Variants in COL14A1 observed in about 807,000 individuals in gnomAD.
COL14A1 encodes the protein collagen alpha-1(XIV) chain.
COL14A1 carries 136 observed loss-of-function variants against 230.3 expected under a neutral mutation model. That is an observed-to-expected ratio of 0.59 (90% CI 0.51 to 0.68). COL14A1 has a LOEUF of 0.68. COL14A1 is among the 30% of genes least tolerant of loss of function. The probability of loss-of-function intolerance (pLI) is 0.00; values close to 1 mark genes in which losing one functional copy is unlikely to be tolerated. For synonymous variants in COL14A1, 792 were observed against 784.1 expected (o/e 1.01, Z -0.17); for missense variants, 1,976 against 2,215.8 (o/e 0.89, Z 2.17).
chr8:120,306,485 G>T (rs1820862488), intron 36 of COL14A1, among the ~76,000 whole-genome samples: 1 of 152,140 alleles, frequency 6.6e-6, no homozygotes, highest in African/African-American at 2.4e-5. Context: ...TGAGCAATAT[G>T]TAATAAATTC....
chr8:120,189,095 A>G (rs1436019039), intron 5 of COL14A1, among the ~76,000 whole-genome samples: 2 of 152,234 alleles, frequency 1.3e-5, no homozygotes, highest in East Asian at 1.9e-4. Context: ...AAAAAGATTC[A>G]CTGTAACAGC....
At chr8:120,132,407 G>A (rs1357022439) in intron 1 of COL14A1, among the ~76,000 whole-genome samples, 11 of 152,024 alleles carry the variant, frequency 7.2e-5, no homozygotes, top group Admixed American at 4.6e-4. Context: ...AACCTGTTCC[G>A]TTTTCTGTGT....
chr8:120,351,527 T>G, intron 45 of COL14A1, among the ~76,000 whole-genome samples: 1 of 81,248 alleles, frequency 1.2e-5, no homozygotes, highest in East Asian at 3.4e-4. Context: ...AAGAATCAAA[T>G]AGACACAATA....
intron 1 of COL14A1, among the ~76,000 whole-genome samples, chr8:120,129,646 CCT>C (rs1266221371): frequency 3.3e-5 from 5 of 152,160 alleles, no homozygotes; most frequent in African/African-American, 1.2e-4. Flanking sequence ...AAAAAGGAAG[CCT>C]CTCTGTGCAA....
rs140786154 is a variant in COL14A1, at chr8:120,273,708, C to A, written c.3213+3534C>A. ...AAATCTGAAGGAAATGGATAAATTC[C>A]TGGAAACAACAACCCCCCTAGATTA... On this transcript the variant is annotated intron_variant, in intron 26 of 47. Transcript: ENST00000297848. Among the ~76,000 whole-genome samples, 1,404 of 151,466 alleles carry A rather than the reference C, an allele frequency of 9.3e-3. 9 individuals are homozygous for A. Among genetic ancestry groups the A allele is most frequent in the Non-Finnish European group, 0.013 (910 of 67,720 alleles).
At chr8:120,193,928 C>G (rs907664080) in intron 5 of COL14A1, among the ~76,000 whole-genome samples, 3 of 152,174 alleles carry the variant, frequency 2.0e-5, no homozygotes, top group African/African-American at 7.2e-5. Context: ...GTGGGAGTGA[C>G]CCGGTTTTCC....
At chr8:120,232,954 C>T (rs956209250) in intron 19 of COL14A1, among the ~76,000 whole-genome samples, 5 of 152,092 alleles carry the variant, frequency 3.3e-5, no homozygotes, top group Non-Finnish European at 5.9e-5. Flanking sequence ...TAATGATTGC[C>T]GTTCTAACTG....
At chr8:120,363,083 T>C (rs1343373005) in intron 45 of COL14A1, among the ~76,000 whole-genome samples, 1 of 152,196 alleles carries the variant, frequency 6.6e-6, no homozygotes, top group Non-Finnish European at 1.5e-5. Flanking sequence ...AAAATGAAGC[T>C]TCAGCCTAAG....
intron 14 of COL14A1, among the ~76,000 whole-genome samples, chr8:120,224,052 A>T (rs1818017159): frequency 4.8e-5 from 1 of 21,050 alleles, no homozygotes. Context: ...TTTGAGACAG[A>T]GTCTCATTCT....
intron 36 of COL14A1, among the ~76,000 whole-genome samples, chr8:120,309,028 A>G (rs1420740044): frequency 6.6e-6 from 1 of 152,154 alleles, no homozygotes. Flanking sequence ...TCCGCCTCCC[A>G]GGTTCACGCC....
intron 22 of COL14A1, among the ~76,000 whole-genome samples, chr8:120,251,929 A>G (rs1818977998): frequency 1.3e-5 from 2 of 151,544 alleles, no homozygotes; most frequent in Admixed American, 1.3e-4. Context: ...CTATTTTGTA[A>G]CTCTATTGCT....
At chr8:120,242,718 T>C (rs1372315285) in intron 19 of COL14A1, among the ~76,000 whole-genome samples, 1 of 152,222 alleles carries the variant, frequency 6.6e-6, no homozygotes, top group Non-Finnish European at 1.5e-5. Context: ...TCAATGGCCC[T>C]TTCCTATGAG....
rs546052415 is a variant in COL14A1, at chr8:120,357,015, C to T, written c.5078-10156C>T. ...TTTATTGATTTTTTTTATTACAAAG[C>T]GACTCTTTACAGTGATCATGGCTGC... is the stretch of plus-strand genomic sequence containing the variant. On this transcript the variant is annotated intron_variant, in intron 45 of 47. Transcript: ENST00000297848. 3.3e-5 allele frequency among the ~76,000 whole-genome samples: 5 copies of T among 152,090 alleles called. No individual in the cohort carries two copies. The South Asian group carries it at 1.0e-3, about 32-fold the overall frequency.
chr8:120,338,731 C>T (rs1231959588), intron 42 of COL14A1, among the ~76,000 whole-genome samples: 2 of 152,164 alleles, frequency 1.3e-5, no homozygotes, highest in Non-Finnish European at 2.9e-5. Flanking sequence ...GCCTACGTAT[C>T]AGCTATTAGT....
intron 26 of COL14A1, among the ~76,000 whole-genome samples, chr8:120,271,715 G>A (rs1468138391): frequency 1.3e-5 from 2 of 151,628 alleles, no homozygotes; most frequent in Non-Finnish European, 3.0e-5. Context: ...TATAGTAGGT[G>A]AGAGTGTGAG....
At chr8:120,189,104 G>T (rs543994072) in intron 5 of COL14A1, among the ~76,000 whole-genome samples, 6 of 152,318 alleles carry the variant, frequency 3.9e-5, no homozygotes, top group African/African-American at 1.4e-4. Flanking sequence ...CACTGTAACA[G>T]CTGGAATTAT....
At chr8:120,221,060 G>A (rs1817920046) in intron 14 of COL14A1, among the ~76,000 whole-genome samples, 1 of 152,130 alleles carries the variant, frequency 6.6e-6, no homozygotes, top group Admixed American at 6.5e-5. Flanking sequence ...TACTGTGAAA[G>A]GATTTTGGAA....
intron 45 of COL14A1, among the ~76,000 whole-genome samples, chr8:120,360,535 C>T (rs1021476219): frequency 3.9e-5 from 6 of 152,200 alleles, no homozygotes; most frequent in African/African-American, 1.4e-4. Context: ...TGTTCGTCTG[C>T]CACCGTGCCC....
intron 5 of COL14A1, among the ~76,000 whole-genome samples, chr8:120,180,828 C>T (rs991508809): frequency 1.3e-5 from 2 of 151,208 alleles, no homozygotes; most frequent in African/African-American, 4.9e-5. Flanking sequence ...CTGCTGCAGC[C>T]TCCTGAGTAG....
Sources: gnomAD v4.1 joint callset for allele counts (sites outside exome capture counted in the v4.1 genomes callset) on GRCh38, gnomAD v4.1.1 for gene constraint, MANE v1.5 for transcripts, NCBI Gene and HGNC (gene_info 2026-07-23, HGNC 2026-07-21) for gene names.